The following GRIP1 variants were observed in gnomAD, a reference collection of about 807,000 sequenced individuals.
GRIP1 encodes glutamate receptor-interacting protein 1.
GRIP1 carries 45 observed loss-of-function variants against 129.9 expected under a neutral mutation model. That is an observed-to-expected ratio of 0.35 (90% CI 0.27 to 0.44). The LOEUF (loss-of-function observed/expected upper bound fraction) is 0.44. Ranked by LOEUF, GRIP1 falls within the 20% of genes least tolerant of loss-of-function variation. The pLI is 1.00. For missense variants in GRIP1, 1,196 were observed against 1,396.8 expected, an observed-to-expected ratio of 0.86 and a Z score of 2.29; for synonymous variants, 530 against 520.8, an observed-to-expected ratio of 1.02 and a Z score of -0.24.
chr12:66,636,715 C>CTCTGTG (rs779418554), intron 1 of GRIP1, among the ~76,000 whole-genome samples: 40 of 145,210 alleles, frequency 2.8e-4, no homozygotes, highest in African/African-American at 8.2e-4. Context: ...CATTAGATCT[C>CTCTGTG]TGTGTGTGTG....
intron 1 of GRIP1, among the ~76,000 whole-genome samples, chr12:67,048,758 G>A (rs781375187): frequency 3.3e-5 from 5 of 152,108 alleles, no homozygotes; most frequent in African/African-American, 1.2e-4. Flanking sequence ...TAAGTCTCAC[G>A]AATACCTAAC....
intron 16 of GRIP1, among the ~76,000 whole-genome samples, chr12:66,401,609 T>TATATATATATATATATATATATATATAC (rs1169241331): frequency 1.8e-5 from 2 of 110,176 alleles, no homozygotes; most frequent in African/African-American, 7.5e-5. Flanking sequence ...TATATATATA[T>TATATATATATATATATATATATATATAC]ACACACACAC....
intron 1 of GRIP1, among the ~76,000 whole-genome samples, chr12:66,608,149 C>G (rs775941260): frequency 5.9e-5 from 9 of 152,134 alleles, no homozygotes; most frequent in Non-Finnish European, 7.4e-5. Context: ...CAGATGACTG[C>G]TTATCAAACA....
At chr12:66,503,805 G>C (rs2060454738) in intron 7 of GRIP1, among the ~76,000 whole-genome samples, 2 of 152,164 alleles carry the variant, frequency 1.3e-5, no homozygotes, top group Non-Finnish European at 1.5e-5. Context: ...GCTATGAAGA[G>C]AGAGACTGGG....
intron 1 of GRIP1, chr12:66,892,018 G>A (rs1221602598): frequency 6.6e-6 from 1 of 152,464 alleles, no homozygotes; most frequent in African/African-American, 2.4e-5. Context: ...GATGGCTCAG[G>A]GCAATCCTGG....
chr12:66,723,335 CAG>C (rs1192141741), intron 1 of GRIP1, among the ~76,000 whole-genome samples: 17 of 103,368 alleles, frequency 1.6e-4, no homozygotes, highest in East Asian at 5.6e-4. Flanking sequence ...TTTTTTGAGA[CAG>C]AGTCTCACTC....
chr12:66,589,236 G>GTC (rs1283273927), intron 2 of GRIP1, among the ~76,000 whole-genome samples: 13 of 116,244 alleles, frequency 1.1e-4, no homozygotes, highest in African/African-American at 2.4e-4. Context: ...CTGTCTGTCT[G>GTC]TCTCTCTCTC....
chr12:66,866,143 A>G (rs1057425117), intron 1 of GRIP1, among the ~76,000 whole-genome samples: 2 of 152,116 alleles, frequency 1.3e-5, no homozygotes, highest in Non-Finnish European at 2.9e-5. Flanking sequence ...CCTATAACAA[A>G]TTAGAGAAAC....
chr12:66,944,400 A>T (rs2041633930), intron 1 of GRIP1, among the ~76,000 whole-genome samples: 1 of 152,128 alleles, frequency 6.6e-6, no homozygotes, highest in Non-Finnish European at 1.5e-5. Flanking sequence ...AGTAAATGTG[A>T]CATATGGCTT....
chr12:66,893,679 A>G (rs2040698800), intron 1 of GRIP1, among the ~76,000 whole-genome samples: 2 of 152,336 alleles, frequency 1.3e-5, no homozygotes, highest in African/African-American at 4.8e-5. Context: ...ATGAATACAT[A>G]AGATTTTGTG....
chr12:66,840,705 G>A (rs1220325508), intron 1 of GRIP1, among the ~76,000 whole-genome samples: 5 of 152,174 alleles, frequency 3.3e-5, no homozygotes, highest in Admixed American at 6.5e-5. Flanking sequence ...CTCCTACTGT[G>A]TGCCAAGCTT....
At chr12:66,837,263 C>T (rs1303058195) in intron 1 of GRIP1, among the ~76,000 whole-genome samples, 1 of 152,156 alleles carries the variant, frequency 6.6e-6, no homozygotes, top group Non-Finnish European at 1.5e-5. Flanking sequence ...GATGCCCTCA[C>T]ATTAGAGTAA....
intron 2 of GRIP1, chr12:66,568,884 A>G: frequency 2.0e-6 from 1 of 496,524 alleles, no homozygotes. Flanking sequence ...TGTCTTATGC[A>G]GTTGAGTAGG....
At chr12:66,581,495 G>C in intron 2 of GRIP1, among the ~76,000 whole-genome samples, 1 of 144,198 alleles carries the variant, frequency 6.9e-6, no homozygotes. Context: ...CAACAAAATT[G>C]ATAGACCACT....
chr12:66,916,833 G>A (rs185299249), intron 1 of GRIP1, among the ~76,000 whole-genome samples: 97 of 152,148 alleles, frequency 6.4e-4, no homozygotes, highest in Middle Eastern at 3.4e-3. Flanking sequence ...AGGATTGAAA[G>A]GCATTTACCC....
chr12:66,973,838 T>C (rs534171350), intron 1 of GRIP1, among the ~76,000 whole-genome samples: 128 of 152,056 alleles, frequency 8.4e-4, no homozygotes, highest in African/African-American at 2.9e-3. Context: ...TAAAATTATA[T>C]AAGAAGACCC....
intron 14 of GRIP1, among the ~76,000 whole-genome samples, chr12:66,423,766 C>A (rs906440857): frequency 6.6e-6 from 1 of 152,142 alleles, no homozygotes; most frequent in African/African-American, 2.4e-5. Flanking sequence ...GAAATCCATA[C>A]AAACACATCA....
At position 67,033,119 on chromosome 12, in the gene GRIP1, C is replaced by T. The variant is rs868843715; in HGVS notation, c.58+35931G>A. 6.6e-5 allele frequency among the ~76,000 whole-genome samples: 10 copies of T among 151,976 alleles called. No individual in the cohort carries two copies. In the Middle Eastern group the frequency reaches 0.01, roughly 155 times the overall value. ...CAGACAGTTTTTCCTAGGCTGAGAA[C>T]TCACTTTTCAAGAAAAATAAAGAAA... On this transcript the variant is annotated intron_variant, in intron 1 of 1. Transcript: ENST00000643019.
At chr12:66,602,848 CTTTTTT>C (rs71436016) in intron 1 of GRIP1, among the ~76,000 whole-genome samples, 1,995 of 71,342 alleles carry the variant, frequency 0.028, 17 homozygotes, top group African/African-American at 0.092. Context: ...AGATCTTTTG[CTTTTTT>C]TTTTTTTTTT....
Sources: gnomAD v4.1 joint callset for allele counts (sites outside exome capture counted in the v4.1 genomes callset) on GRCh38, gnomAD v4.1.1 for gene constraint, MANE v1.5 for transcripts, NCBI Gene and HGNC (gene_info 2026-07-23, HGNC 2026-07-21) for gene names.